PPP2R1B: variants seen among roughly 807,000 people sequenced by gnomAD.
PPP2R1B encodes serine/threonine-protein phosphatase 2A 65 kDa regulatory subunit A beta isoform.
PPP2R1B carries 58 observed loss-of-function variants against 72.7 expected under a neutral mutation model. The observed-to-expected ratio is 0.80, with a 90% CI of 0.65 to 0.99. The LOEUF (loss-of-function observed/expected upper bound fraction) is 0.99. Among genes scored for constraint, PPP2R1B ranks in the 50% least tolerant of loss-of-function variants. PPP2R1B has a pLI of 0.00. For missense variants in PPP2R1B, 695 were observed against 733.6 expected, an observed-to-expected ratio of 0.95 and a Z score of 0.61; for synonymous variants, 256 against 264.6, an observed-to-expected ratio of 0.97 and a Z score of 0.32.
chr11:111,765,880 G>A (rs536242293), intron 1 of PPP2R1B: 19 of 491,474 alleles, frequency 3.9e-5, no homozygotes, highest in African/African-American at 3.5e-4. Flanking sequence ...GCGCCCCTCA[G>A]CCGCTCCAGC....
chr11:111,695,562 G>A, the PPP2R1B span, among the ~76,000 whole-genome samples: 108 of 152,062 alleles, frequency 7.1e-4, no homozygotes, highest in Non-Finnish European at 1.0e-3. Flanking sequence ...ATTTTTCACC[G>A]CCTCTGTTTT....
intron 11 of PPP2R1B, 38 bp from the exon 12 acceptor site, chr11:111,743,568 A>C: frequency 6.3e-7 from 1 of 1,575,768 alleles, no homozygotes; most frequent in Non-Finnish European, 8.6e-7. Flanking sequence ...CATATCGCTT[A>C]TTGTTTTTTA....
downstream of PPP2R1B, among the ~76,000 whole-genome samples, chr11:111,736,200 G>A (rs138166515): frequency 7.2e-5 from 11 of 152,298 alleles, no homozygotes; most frequent in African/African-American, 1.7e-4. Flanking sequence ...GTGCTGCAGT[G>A]ACCAAGGCTC....
the PPP2R1B span, among the ~76,000 whole-genome samples, chr11:111,688,988 A>T: frequency 1.3e-5 from 2 of 152,240 alleles, no homozygotes; most frequent in East Asian, 3.8e-4. This position sits in a 1 kb window ranked among gnomAD's most constrained non-coding sequence, Gnocchi z 4.2. Context: ...CAAGCAGTCT[A>T]CCTGAAGAGT....
At chr11:111,731,896 T>TTCTTATTCTGTGA (rs1208041590) in intron 15 of PPP2R1B, among the ~76,000 whole-genome samples, 1 of 152,148 alleles carries the variant, frequency 6.6e-6, no homozygotes, top group East Asian at 1.9e-4. Flanking sequence ...TTCTCCATCA[T>TTCTTATTCTGTGA]TCTTATTCTG....
chr11:111,743,664 T>TTGTCATTGCA, intron 11 of PPP2R1B, 134 bp from the exon 12 acceptor site: 1 of 1,107,660 alleles, frequency 9.0e-7, no homozygotes, highest in Non-Finnish European at 1.3e-6. Flanking sequence ...GTAATCATGC[T>TTGTCATTGCA]GCAATGACAA....
Position 111,739,016 on chromosome 11 carries a change from A to C in PPP2R1B, c.*2580T>G. On this transcript the variant is annotated 3_prime_UTR_variant, in exon 15 of 15. Coordinates refer to ENST00000527614, the MANE Select transcript of PPP2R1B (RefSeq NM_002716.5). Reference sequence around the variant, plus strand: ...ATGTCTGAAGCAATCAGACAAATCCACACAGAACTGTAGTCTAAGCCAGGG... The same window carrying C: ...ATGTCTGAAGCAATCAGACAAATCCCCACAGAACTGTAGTCTAAGCCAGGG... 1 of 985,382 alleles carries C rather than the reference A, an allele frequency of 1.0e-6. No individual in the cohort carries two copies. Among genetic ancestry groups the C allele is most frequent in the Non-Finnish European group, 1.2e-6 (1 of 829,940 alleles). 61.0% of individuals were successfully genotyped at this position (985,382 alleles called of 1,614,324 possible).
chr11:111,722,957 C>G (rs574516062), downstream of PPP2R1B, among the ~76,000 whole-genome samples: 3 of 152,306 alleles, frequency 2.0e-5, no homozygotes, highest in South Asian at 6.2e-4. The surrounding 1 kb of genome is among the most constrained non-coding windows in gnomAD (Gnocchi z 4.4). Context: ...CTGGCAGCCC[C>G]ACAGTGTACT....
rs1555050741 is a variant in PPP2R1B, at chr11:111,759,888, C to T, written c.603G>A (p.Leu201=). The T allele has an allele frequency of 6.2e-7, 1 of 1,613,938 alleles. No homozygotes were observed. Among genetic ancestry groups the T allele is most frequent in the African/African-American group, 1.3e-5 (1 of 74,912 alleles). ...PMVRRAAASK[L]GEFAKVLELD... ...ATTCCAAAACTTTTGCAAATTCACC[C>T]AATTTGGAAGCAGCAGCACGTCGTA... Residue 201 remains leucine (L), a synonymous_variant, in exon 5 of 15, where the codon TTG becomes TTA. Coordinates refer to ENST00000527614, the MANE Select transcript of PPP2R1B (RefSeq NM_002716.5).
chr11:111,748,378 T>C (rs1944779883), intron 10 of PPP2R1B, among the ~76,000 whole-genome samples: 1 of 152,264 alleles, frequency 6.6e-6, no homozygotes, highest in Admixed American at 6.5e-5. Flanking sequence ...TCAGTAATAT[T>C]ACTAATTCTC....
At chr11:111,751,485 A>T (rs1555047912) in intron 10 of PPP2R1B, among the ~76,000 whole-genome samples, 1 of 152,186 alleles carries the variant, frequency 6.6e-6, no homozygotes, top group Admixed American at 6.5e-5. Flanking sequence ...CCAAAATCCA[A>T]AACTTTTTGA....
At chr11:111,731,160 G>GTT (rs1944178111) in intron 15 of PPP2R1B, among the ~76,000 whole-genome samples, 2 of 152,386 alleles carry the variant, frequency 1.3e-5, no homozygotes, top group Admixed American at 1.3e-4. Flanking sequence ...GATTCTCAGA[G>GTT]TCCCAGGGCA....
chr11:111,721,024 G>A, the PPP2R1B span: 2 of 1,613,904 alleles, frequency 1.2e-6, no homozygotes, highest in African/African-American at 1.3e-5. Flanking sequence ...GGCGCCGGCG[G>A]CTCCTCAGCT....
At chr11:111,691,739 T>C in the PPP2R1B span, among the ~76,000 whole-genome samples, 1 of 152,158 alleles carries the variant, frequency 6.6e-6, no homozygotes, top group South Asian at 2.1e-4. Context: ...TTCTCTATCA[T>C]CTCCACTATC....
At chr11:111,720,703 A>G in the PPP2R1B span, 4 of 1,613,400 alleles carry the variant, frequency 2.5e-6, no homozygotes, top group Non-Finnish European at 3.4e-6. Context: ...GAGGTCCACA[A>G]CAGGTCTCCA....
At chr11:111,751,577 A>T (rs1555047952) in intron 10 of PPP2R1B, among the ~76,000 whole-genome samples, 2 of 152,216 alleles carry the variant, frequency 1.3e-5, no homozygotes, top group African/African-American at 2.4e-5. Flanking sequence ...TCAACCAGTA[A>T]ATATTTATAA....
chr11:111,729,146 T>C (rs1292917808), intron 15 of PPP2R1B: 2 of 152,238 alleles, frequency 1.3e-5, no homozygotes, highest in Admixed American at 1.3e-4. Context: ...TTTACCATTT[T>C]TGTCCTAATT....
At chr11:111,722,002 A>AACACGTTTCTGCTTT, downstream of PPP2R1B, 2 of 1,314,594 alleles carry the variant, frequency 1.5e-6, no homozygotes, top group Non-Finnish European at 2.1e-6. The surrounding 1 kb of genome is among the most constrained non-coding windows in gnomAD (Gnocchi z 4.4). Flanking sequence ...TCTTCTGCAA[A>AACACGTTTCTGCTTT]GCAGAAACGT....
intron 11 of PPP2R1B, among the ~76,000 whole-genome samples, chr11:111,745,888 T>G (rs1157591733): frequency 6.6e-6 from 1 of 152,220 alleles, no homozygotes; most frequent in East Asian, 1.9e-4. Flanking sequence ...ATAACACTTA[T>G]CTGAAATGCA....
Sources: gnomAD v4.1 joint callset for allele counts (sites outside exome capture counted in the v4.1 genomes callset) on GRCh38, gnomAD v4.1.1 for gene constraint, Gnocchi (gnomAD v3.1) non-coding constraint, MANE v1.5 for transcripts, NCBI Gene and HGNC (gene_info 2026-07-23, HGNC 2026-07-21) for gene names.